The following GRHL3 variants were observed in gnomAD, a reference collection of about 807,000 sequenced individuals.
The protein encoded by GRHL3 is grainyhead-like protein 3 homolog.
A neutral mutation model predicts 70.3 loss-of-function variants in GRHL3; 20 were observed. The observed-to-expected ratio is 0.28, with a 90% CI of 0.20 to 0.41. GRHL3 has a LOEUF of 0.41. Ranked by LOEUF, GRHL3 falls within the 10% of genes least tolerant of loss-of-function variation. The probability of loss-of-function intolerance (pLI) is 1.00; values close to 1 mark genes in which losing one functional copy is unlikely to be tolerated. For missense variants in GRHL3, 637 were observed against 762.3 expected (o/e 0.84, Z 1.94); for synonymous variants, 299 against 299.9 (o/e 1.00, Z 0.03).
rs1412854345 is a variant in GRHL3, at chr1:24,341,121, G to A, written c.1048-994G>A. On this transcript the variant is annotated intron_variant, in intron 8 of 15. Transcript: ENST00000361548. ...TTCCAAAGACCAGGGGCCAGCCTGC[G>A]TCGGGGGGACCGGGGTTCCCATGGA... 3.9e-5 allele frequency among the ~76,000 whole-genome samples: 6 copies of A among 152,250 alleles called. No individual in the cohort carries two copies. In the South Asian group the frequency reaches 6.2e-4, roughly 16 times the overall value.
At position 24,342,105 on chromosome 1, in the gene GRHL3, C is replaced by T. The variant is rs2148659872; in HGVS notation, c.1048-10C>T. 6.5e-7 allele frequency: 1 copy of T among 1,549,814 alleles called. No individual in the cohort carries two copies. Among genetic ancestry groups the T allele is most frequent in the Middle Eastern group, 1.7e-4 (1 of 5,760 alleles). On this transcript the variant is annotated splice_polypyrimidine_tract_variant and intron_variant, in intron 8 of 15. Transcript: ENST00000361548. The surrounding 1 kb of genome is among the most constrained non-coding windows in gnomAD (Gnocchi z 4.8). ...CAGGCCACTTACCCAGCGGCCCCCTCTGTCTCCAGGTGTTCATCGGCGTAA... is the reference window on the plus strand; with the variant it reads ...CAGGCCACTTACCCAGCGGCCCCCTTTGTCTCCAGGTGTTCATCGGCGTAA...
At chr1:24,359,820 T>C (rs901054947), downstream of GRHL3, among the ~76,000 whole-genome samples, 1 of 152,198 alleles carries the variant, frequency 6.6e-6, no homozygotes, top group Non-Finnish European at 1.5e-5. This position sits in a 1 kb window ranked among gnomAD's most constrained non-coding sequence, Gnocchi z 5.3. Flanking sequence ...AAGCGCTCTA[T>C]AGAGAGCTAC....
downstream of GRHL3, chr1:24,358,053 G>A (rs1179843005): frequency 1.3e-5 from 5 of 372,044 alleles, no homozygotes; most frequent in East Asian, 7.3e-5. Flanking sequence ...TAGACATACC[G>A]TAAGTGAGTG....
chr1:24,363,704 G>C (rs1479063419), intron 15 of GRHL3, among the ~76,000 whole-genome samples: 1 of 152,208 alleles, frequency 6.6e-6, no homozygotes, highest in Non-Finnish European at 1.5e-5. Context: ...TGAAAGCAGA[G>C]AGAAAGAGAC....
rs34016531 is a variant in GRHL3 at position 24,354,611 on chromosome 1, G to C, written c.*123G>C. On this transcript the variant is annotated 3_prime_UTR_variant, in exon 16 of 16. Transcript: ENST00000361548. ...CTTGAATGCCTTCCCTGAGGGAAGA[G>C]GCCCTTGAGTCACAGACCCACAGAC... 12,819 of 657,920 alleles carry C rather than the reference G, an allele frequency of 0.019. 193 individuals are homozygous for C. The highest frequency in any genetic ancestry group is 0.026 in the Non-Finnish European group (9,620 of 370,486). 40.8% of individuals were successfully genotyped at this position (657,920 alleles called of 1,614,324 possible).
In GRHL3 at chr1:24,344,950, A is replaced by T. The variant is rs1640187282; in HGVS notation, c.1454+19A>T. 6.2e-7 allele frequency: 1 copy of T among 1,611,370 alleles called. No homozygotes were observed. Among genetic ancestry groups the T allele is most frequent in the African/African-American group, 1.3e-5 (1 of 74,122 alleles). ...CCAACAGGTATGGAGAGAAACAACCACACGCCTCCCTCCACACCTGTGCAC... is the reference window on the plus strand; with the variant it reads ...CCAACAGGTATGGAGAGAAACAACCTCACGCCTCCCTCCACACCTGTGCAC... On this transcript the variant is annotated intron_variant, in intron 12 of 15. Coordinates refer to ENST00000361548, the MANE Select transcript of GRHL3 (RefSeq NM_198173.3).
chr1:24,331,740 CCCT>C, intron 2 of GRHL3, 128 bp downstream of exon 2: 1 of 673,562 alleles, frequency 1.5e-6, no homozygotes, highest in East Asian at 2.8e-5. Context: ...CAATGCTGTT[CCCT>C]CTGCCTGGCA....
downstream of GRHL3, chr1:24,357,685 AG>A (rs561751444): frequency 2.8e-3 from 467 of 166,472 alleles, 1 homozygote; most frequent in Non-Finnish European, 2.5e-3. Flanking sequence ...AGATCAGAAA[AG>A]GAGCCTGGCA....
chr1:24,346,003 T>C (rs481399), intron 12 of GRHL3, among the ~76,000 whole-genome samples: 146,493 of 152,216 alleles, frequency 0.96, 70,571 homozygotes, highest in East Asian at 1. Context: ...GGTTATTGCC[T>C]TGCTTTATGG....
At chr1:24,355,527 T>C (rs1640686120), downstream of GRHL3, among the ~76,000 whole-genome samples, 1 of 152,202 alleles carries the variant, frequency 6.6e-6, no homozygotes, top group African/African-American at 2.4e-5. Context: ...CCCAGATGTT[T>C]GTGTTTGAAT....
intron 2 of GRHL3, among the ~76,000 whole-genome samples, chr1:24,333,758 C>G (rs1347613689): frequency 6.6e-6 from 1 of 152,166 alleles, no homozygotes. Flanking sequence ...ACAATAGAGT[C>G]TCTCTGAGCC....
chr1:24,324,756 A>G (rs766704591), intron 1 of GRHL3, among the ~76,000 whole-genome samples: 1 of 152,184 alleles, frequency 6.6e-6, no homozygotes, highest in Non-Finnish European at 1.5e-5. Context: ...AAAGTCACCC[A>G]GTAAGTAGCA....
At position 24,354,625 on chromosome 1, in the gene GRHL3, A is replaced by G; in HGVS notation, c.*137A>G. ...CTGAGGGAAGAGGCCCTTGAGTCAC[A>G]GACCCACAGACGTCAGGGCCAGGGA... is the stretch of plus-strand genomic sequence containing the variant. On this transcript the variant is annotated 3_prime_UTR_variant, in exon 16 of 16. Transcript: ENST00000361548. The G allele has an allele frequency of 4.9e-6, 3 of 617,380 alleles. No homozygotes were observed. The highest frequency in any genetic ancestry group is 5.8e-6 in the Non-Finnish European group (2 of 343,888). 38.2% of individuals were successfully genotyped at this position (617,380 alleles called of 1,614,324 possible).
At chr1:24,331,032 T>G (rs765253200) in intron 1 of GRHL3, among the ~76,000 whole-genome samples, 8 of 152,280 alleles carry the variant, frequency 5.3e-5, no homozygotes, top group Non-Finnish European at 1.0e-4. Context: ...GTAGAACTCA[T>G]GATGGGTTAT....
In GRHL3 at chr1:24,344,995, TCCACACCTGTGCCTCCG is replaced by T. The variant is rs1175656345; in HGVS notation, c.1454+78_1454+94del. ...GTGCACCCTCCACACCTGTGCCCCC[TCCACACCTGTGCCTCCG>T]CCACACCTGTGCCCCCTCTACACCT... On this transcript the variant is annotated intron_variant, in intron 12 of 15. Transcript: ENST00000361548. 3.2e-3 allele frequency: 2,478 copies of T among 765,634 alleles called. 48 individuals carry two copies. The African/African-American group carries it at 0.094, about 29-fold the overall frequency. 47.4% of individuals were successfully genotyped at this position (765,634 alleles called of 1,614,324 possible).
intron 1 of GRHL3, 90 bp from the exon 2 acceptor site, chr1:24,331,336 C>T: frequency 8.3e-7 from 1 of 1,207,580 alleles, no homozygotes; most frequent in Non-Finnish European, 1.2e-6. Flanking sequence ...AAGCTAATAA[C>T]TCTGAATTCC....
intron 1 of GRHL3, 157 bp downstream of exon 1, chr1:24,319,725 C>T: frequency 1.9e-6 from 3 of 1,569,650 alleles, no homozygotes; most frequent in Non-Finnish European, 2.6e-6. Context: ...CGTGTCAAGG[C>T]AAGCCCCAGT....
At chr1:24,337,432 C>T (rs943621211) in intron 5 of GRHL3, 4 of 609,240 alleles carry the variant, frequency 6.6e-6, no homozygotes, top group Non-Finnish European at 1.1e-5. Context: ...TCATTGGGCC[C>T]TCATTATTCA....
chr1:24,319,710 T>C, intron 1 of GRHL3, 142 bp downstream of exon 1: 7 of 1,584,920 alleles, frequency 4.4e-6, no homozygotes, highest in Non-Finnish European at 5.1e-6. Flanking sequence ...ACGATCTTAC[T>C]TTGGCGTGTC....
Sources: allele counts gnomAD v4.1 joint callset (sites outside exome capture counted in the v4.1 genomes callset), GRCh38; gene constraint gnomAD v4.1.1; non-coding constraint Gnocchi (gnomAD v3.1); transcripts MANE v1.5; gene names NCBI Gene and HGNC (gene_info 2026-07-23, HGNC 2026-07-21).